The following FGF12 variants were observed in gnomAD, a reference collection of about 807,000 sequenced individuals.
FGF12 encodes the protein fibroblast growth factor 12B.
FGF12 carries 14 observed loss-of-function variants against 23.6 expected under a neutral mutation model. That is an observed-to-expected ratio of 0.59 (90% CI 0.39 to 0.93). The LOEUF (loss-of-function observed/expected upper bound fraction) is 0.93, where lower values mean the gene tolerates loss of function less well. Among genes scored for constraint, FGF12 ranks in the 40% least tolerant of loss-of-function variants. FGF12 has a pLI of 0.00. For synonymous variants in FGF12, 62 were observed against 77.3 expected, an observed-to-expected ratio of 0.80 and a Z score of 1.04; for missense variants, 175 against 217.8, an observed-to-expected ratio of 0.80 and a Z score of 1.24.
At chr3:192,426,957 G>A (rs188835490) in intron 2 of FGF12, among the ~76,000 whole-genome samples, 27 of 152,256 alleles carry the variant, frequency 1.8e-4, no homozygotes, top group Admixed American at 1.3e-3. Context: ...TTACTGATAC[G>A]ATTATTTTGA....
chr3:192,444,980 A>G (rs2108798615), intron 2 of FGF12, among the ~76,000 whole-genome samples: 1 of 152,344 alleles, frequency 6.6e-6, no homozygotes, highest in East Asian at 1.9e-4. Flanking sequence ...AAAGAAAGAA[A>G]AAAGAGCACT....
At chr3:192,558,597 A>C (rs1366706107) in intron 2 of FGF12, among the ~76,000 whole-genome samples, 1 of 38,526 alleles carries the variant, frequency 2.6e-5, no homozygotes, top group Middle Eastern at 0.016. Context: ...ATTCATATGA[A>C]ACCAAAAAAT....
rs1721136310 is a variant in FGF12, at chr3:192,409,903, C to CCCGCCGCCGCG, written c.14-49376_14-49366dup. Reference sequence around the variant, plus strand: ...AGAGCCGCGGGCTTGCGGGGCGCCCCCCGCCGCCGCGCCGCCGCCTCCCCA... The same window carrying CCCGCCGCCGCG: ...AGAGCCGCGGGCTTGCGGGGCGCCCCCCGCCGCCGCGCCGCCGCCGCGCCGCCGCCTCCCCA... On this transcript the variant is annotated intron_variant, in intron 2 of 5. Transcript: ENST00000445105. This position sits in a 1 kb window ranked among gnomAD's most constrained non-coding sequence, Gnocchi z 4.8. 6.6e-6 allele frequency among the ~76,000 whole-genome samples: 1 copy of CCCGCCGCCGCG among 151,774 alleles called. No individual in the cohort carries two copies. Among genetic ancestry groups the CCCGCCGCCGCG allele is most frequent in the African/African-American group, 2.4e-5 (1 of 41,370 alleles).
rs1366398001 is a variant in FGF12, at chr3:192,261,300, C to T, written c.228+74061G>A. 6.6e-5 allele frequency among the ~76,000 whole-genome samples: 10 copies of T among 152,124 alleles called. No individual in the cohort carries two copies. In the South Asian group the frequency reaches 1.2e-3, roughly 19 times the overall value. ...GGGTTTATGAAGCCACCCAGATAAACAAGAACTGTACTATTTTTACACCTC... is the reference window on the plus strand; with the variant it reads ...GGGTTTATGAAGCCACCCAGATAAATAAGAACTGTACTATTTTTACACCTC... On this transcript the variant is annotated intron_variant, in intron 4 of 5. Coordinates refer to ENST00000445105, the MANE Select transcript of FGF12 (RefSeq NM_004113.6).
chr3:192,497,556 A>G (rs1723999883), intron 2 of FGF12, among the ~76,000 whole-genome samples: 1 of 152,090 alleles, frequency 6.6e-6, no homozygotes, highest in African/African-American at 2.4e-5. Flanking sequence ...ACACCAAATA[A>G]TCTCCTTTCT....
chr3:192,336,733 T>C lies in FGF12; in HGVS notation c.125-1269A>G, dbSNP rs1717435755. ...TAAATTAACCCAAGGGCTACCATTA[T>C]TTAGGGATGCCTCTATTTTTCTCGG... On this transcript the variant is annotated intron_variant, in intron 3 of 5. Transcript: ENST00000445105. This position sits in a 1 kb window ranked among gnomAD's most constrained non-coding sequence, Gnocchi z 4.3. Among the ~76,000 whole-genome samples the C allele has an allele frequency of 6.6e-6, 1 of 152,086 alleles. No individual in the cohort carries two copies. Among genetic ancestry groups the C allele is most frequent in the African/African-American group, 2.4e-5 (1 of 41,436 alleles).
chr3:192,615,994 AT>A (rs1714741349), intron 2 of FGF12, among the ~76,000 whole-genome samples: 1 of 152,028 alleles, frequency 6.6e-6, no homozygotes, highest in South Asian at 2.1e-4. Context: ...ATAATCAATT[AT>A]AGCATTAAAA....
At chr3:192,691,249 A>G (rs1249318990) in intron 2 of FGF12, among the ~76,000 whole-genome samples, 5 of 152,148 alleles carry the variant, frequency 3.3e-5, no homozygotes, top group African/African-American at 1.2e-4. Context: ...TCTTAATGGC[A>G]CACGGAACAT....
chr3:192,560,512 G>A (rs1446127704), intron 2 of FGF12, among the ~76,000 whole-genome samples: 1 of 151,894 alleles, frequency 6.6e-6, no homozygotes. Flanking sequence ...AATAAAAGAT[G>A]GCATGTCATT....
At chr3:192,682,677 G>C (rs1717575913) in intron 2 of FGF12, among the ~76,000 whole-genome samples, 1 of 152,168 alleles carries the variant, frequency 6.6e-6, no homozygotes, top group Non-Finnish European at 1.5e-5. Flanking sequence ...AATCATCAGA[G>C]TGTCTGTGAT....
chr3:192,477,775 C>T (rs1485308970), intron 2 of FGF12, among the ~76,000 whole-genome samples: 2 of 152,094 alleles, frequency 1.3e-5, no homozygotes, highest in Non-Finnish European at 2.9e-5. Context: ...TGACTTCACT[C>T]GAAACCACAT....
At chr3:192,203,677 T>A (rs1244916311) in intron 4 of FGF12, among the ~76,000 whole-genome samples, 1 of 151,130 alleles carries the variant, frequency 6.6e-6, no homozygotes, top group Non-Finnish European at 1.5e-5. Flanking sequence ...CAAGTGATCC[T>A]CCCATCTGAG....
At chr3:192,295,292 C>G (rs1714971161) in intron 4 of FGF12, among the ~76,000 whole-genome samples, 1 of 152,178 alleles carries the variant, frequency 6.6e-6, no homozygotes. Context: ...CTATCCACTA[C>G]AAAACAGCAT....
intron 4 of FGF12, among the ~76,000 whole-genome samples, chr3:192,323,544 T>A (rs1336032312): frequency 2.0e-5 from 3 of 152,116 alleles, no homozygotes; most frequent in Non-Finnish European, 4.4e-5. Flanking sequence ...AGTAGAATGA[T>A]GCTTACCAGA....
chr3:192,339,025 C>T (rs184478222), intron 3 of FGF12, among the ~76,000 whole-genome samples: 8 of 152,212 alleles, frequency 5.3e-5, no homozygotes, highest in Admixed American at 2.6e-4. Context: ...ACTGATAATG[C>T]TAGGCAGGGA....
chr3:192,308,796 G>A (rs983189792), intron 4 of FGF12, among the ~76,000 whole-genome samples: 1 of 152,148 alleles, frequency 6.6e-6, no homozygotes, highest in Non-Finnish European at 1.5e-5. Flanking sequence ...GGAGCATTGG[G>A]TAGGGGAAAG....
At chr3:192,392,649 A>AGGGG (rs1720358257) in intron 2 of FGF12, among the ~76,000 whole-genome samples, 1 of 85,578 alleles carries the variant, frequency 1.2e-5, no homozygotes. Context: ...GGAGGGAGGG[A>AGGGG]GGGAGGGAAG....
intron 2 of FGF12, among the ~76,000 whole-genome samples, chr3:192,709,047 T>G (rs1415128246): frequency 1.3e-5 from 2 of 152,220 alleles, no homozygotes; most frequent in Non-Finnish European, 2.9e-5. Flanking sequence ...AAGACAACAT[T>G]GTCTGCCTCT....
intron 2 of FGF12, among the ~76,000 whole-genome samples, chr3:192,696,272 C>G (rs1354376696): frequency 6.6e-6 from 1 of 151,920 alleles, no homozygotes; most frequent in Non-Finnish European, 1.5e-5. Context: ...CTTACCCTTT[C>G]CTATAAGTGA....
Sources: gnomAD v4.1 joint callset for allele counts (sites outside exome capture counted in the v4.1 genomes callset) on GRCh38, gnomAD v4.1.1 for gene constraint, Gnocchi (gnomAD v3.1) non-coding constraint, MANE v1.5 for transcripts, NCBI Gene and HGNC (gene_info 2026-07-23, HGNC 2026-07-21) for gene names.